Variants in FZD6 observed in about 807,000 individuals in gnomAD.
FZD6 encodes the protein frizzled-6.
A neutral mutation model predicts 61.4 loss-of-function variants in FZD6; 49 were observed. The observed-to-expected ratio is 0.80, with a 90% CI of 0.63 to 1.01. FZD6 has a LOEUF of 1.01. FZD6 is among the 50% of genes least tolerant of loss of function. FZD6 has a pLI of 0.00. For synonymous variants in FZD6, 265 were observed against 292.2 expected, an observed-to-expected ratio of 0.91 and a Z score of 0.95; for missense variants, 724 against 848.2, an observed-to-expected ratio of 0.85 and a Z score of 1.82.
chr8:103,330,916 G>A (rs558752642), intron 6 of FZD6, among the ~76,000 whole-genome samples: 6 of 152,240 alleles, frequency 3.9e-5, no homozygotes, highest in Non-Finnish European at 8.8e-5. Flanking sequence ...GGTGGCTCAC[G>A]CCTGTAATCC....
intron 4 of FZD6, among the ~76,000 whole-genome samples, chr8:103,326,462 A>G (rs1245310948): frequency 6.6e-6 from 1 of 152,010 alleles, no homozygotes; most frequent in Non-Finnish European, 1.5e-5. Flanking sequence ...TCTTTTTGGC[A>G]AGGTTGGGGA....
chr8:103,310,222 T>G (rs1444305177), intron 2 of FZD6, among the ~76,000 whole-genome samples: 1 of 152,190 alleles, frequency 6.6e-6, no homozygotes, highest in Non-Finnish European at 1.5e-5. Flanking sequence ...CAAACTGTGC[T>G]TGGTTTTCAA....
At chr8:103,317,516 A>G (rs1814660753) in intron 2 of FZD6, among the ~76,000 whole-genome samples, 1 of 152,162 alleles carries the variant, frequency 6.6e-6, no homozygotes, top group South Asian at 2.1e-4. Flanking sequence ...CTGGGTGGTA[A>G]TAGTGAGAAA....
At position 103,331,361 on chromosome 8, in the gene FZD6, T is replaced by C. The variant is rs748009628; in HGVS notation, c.1973T>C (p.Ile658Thr). 1.9e-6 allele frequency: 3 copies of C among 1,612,428 alleles called. No homozygotes were observed. Among genetic ancestry groups the C allele is most frequent in the Non-Finnish European group, 2.5e-6 (3 of 1,178,562 alleles). The change falls in exon 7 of 7, where the codon ATT becomes ACT. Residue 658 changes from isoleucine to threonine, a missense_variant. Coordinates refer to ENST00000358755, the MANE Select transcript of FZD6 (RefSeq NM_003506.4). ...SEGRISPKSDITDTGLAQSNN... is the reference protein window; with the variant it reads ...SEGRISPKSDTTDTGLAQSNN... Reference sequence around the variant, plus strand: ...TCTAGGATTAGTCCAAAGAGTGATATTACTGACACTGGCCTGGCACAGAGC... The same window carrying C: ...TCTAGGATTAGTCCAAAGAGTGATACTACTGACACTGGCCTGGCACAGAGC...
At chr8:103,310,374 A>G (rs1160616080) in intron 2 of FZD6, among the ~76,000 whole-genome samples, 1 of 152,122 alleles carries the variant, frequency 6.6e-6, no homozygotes, top group African/African-American at 2.4e-5. Flanking sequence ...GGCTCAAGTG[A>G]ACCTCAGGCC....
At position 103,300,215 on chromosome 8, in the gene FZD6, C is replaced by G; in HGVS notation, c.108C>G (p.Ala36=). The change falls in exon 2 of 7, where the codon GCC becomes GCG. Residue 36 remains alanine, a synonymous_variant. Coordinates refer to ENST00000358755, the MANE Select transcript of FZD6 (RefSeq NM_003506.4). ...PITVPRCMKM[A]YNMTFFPNLM... ...CTGTTCCCAGATGTATGAAAATGGCCTACAACATGACGTTTTTCCCTAATC... is the reference window on the plus strand; with the variant it reads ...CTGTTCCCAGATGTATGAAAATGGCGTACAACATGACGTTTTTCCCTAATC... 6.2e-7 allele frequency: 1 copy of G among 1,610,466 alleles called. No homozygotes were observed. The highest frequency in any genetic ancestry group is 8.5e-7 in the Non-Finnish European group (1 of 1,176,664).
intron 2 of FZD6, among the ~76,000 whole-genome samples, chr8:103,303,766 T>C (rs904294751): frequency 1.2e-4 from 18 of 152,218 alleles, no homozygotes; most frequent in African/African-American, 3.9e-4. Flanking sequence ...TAATGAAATA[T>C]ATCAGTTGAC....
At chr8:103,298,699 G>T (rs1208702449), upstream of FZD6, 1 of 151,390 alleles carries the variant, frequency 6.6e-6, no homozygotes, top group Admixed American at 6.6e-5. Context: ...CCCGTTCACC[G>T]GGGCCGGGTC....
At position 103,325,492 on chromosome 8, in the gene FZD6, T is replaced by A; in HGVS notation, c.1386T>A (p.Pro462=). The change falls in exon 4 of 7, where the codon CCT becomes CCA. Residue 462 remains proline (P), a synonymous_variant. Transcript: ENST00000358755. The part of the protein sequence containing the change: ...DHCRQYHIPC[P]YQAKAKARPE... ...GTCGTCAGTACCATATCCCATGTCCTTATCAGGTAAAAGCTATCACTTGGA... is the reference window on the plus strand; with the variant it reads ...GTCGTCAGTACCATATCCCATGTCCATATCAGGTAAAAGCTATCACTTGGA... 2 of 1,607,002 alleles carry A rather than the reference T, an allele frequency of 1.2e-6. No individual in the cohort carries two copies. The highest frequency in any genetic ancestry group is 1.7e-6 in the Non-Finnish European group (2 of 1,173,590).
intron 5 of FZD6, among the ~76,000 whole-genome samples, 170 bp downstream of exon 5, chr8:103,328,586 G>T (rs1055931347): frequency 5.9e-5 from 9 of 151,422 alleles, no homozygotes; most frequent in African/African-American, 2.2e-4. Flanking sequence ...CTTTATTTTT[G>T]CATTTGTTAC....
At chr8:103,307,568 A>G (rs868753462) in intron 2 of FZD6, among the ~76,000 whole-genome samples, 1 of 152,164 alleles carries the variant, frequency 6.6e-6, no homozygotes, top group Non-Finnish European at 1.5e-5. Flanking sequence ...TTCTTAGATT[A>G]CTTTTTTGCC....
intron 5 of FZD6, 75 bp downstream of exon 5, chr8:103,328,491 T>C (rs2270525): frequency 0.14 from 156,671 of 1,127,974 alleles, 11,894 homozygotes; most frequent in East Asian, 0.24. Context: ...TTCAAATCAA[T>C]GTACTAGAGT....
chr8:103,329,150 C>T (rs1018952953), intron 5 of FZD6, among the ~76,000 whole-genome samples: 2 of 150,198 alleles, frequency 1.3e-5, no homozygotes, highest in Non-Finnish European at 3.0e-5. Flanking sequence ...TCTGAAGAAT[C>T]GTATTCAACT....
intron 2 of FZD6, among the ~76,000 whole-genome samples, chr8:103,306,594 C>G (rs1814337196): frequency 6.9e-6 from 1 of 144,192 alleles, no homozygotes. Flanking sequence ...GCTCCCTCTC[C>G]TGGGTTCACG....
At position 103,325,118 on chromosome 8, in the gene FZD6, C is replaced by T; in HGVS notation, c.1012C>T (p.Leu338=). ...TGTTGCATGGGGAACACCAGGTTTC[C>T]TGACTGTTATGCTTCTTGCTATGAA... ...HAVAWGTPGF[L]TVMLLAMNKV... Residue 338 remains leucine (L), a synonymous_variant, in exon 4 of 7, where the codon CTG becomes TTG. Transcript: ENST00000358755. 1.2e-6 allele frequency: 2 copies of T among 1,614,148 alleles called. No individual in the cohort carries two copies. Among genetic ancestry groups the T allele is most frequent in the Non-Finnish European group, 1.7e-6 (2 of 1,180,016 alleles).
At chr8:103,301,879 TA>T (rs1814183187) in intron 2 of FZD6, among the ~76,000 whole-genome samples, 1 of 152,234 alleles carries the variant, frequency 6.6e-6, no homozygotes, top group Non-Finnish European at 1.5e-5. Flanking sequence ...AATTACTTTT[TA>T]ATTTACCTAG....
chr8:103,301,108 A>G (rs1472679453), intron 2 of FZD6, among the ~76,000 whole-genome samples: 3 of 152,306 alleles, frequency 2.0e-5, no homozygotes, highest in Admixed American at 6.5e-5. Context: ...TAAGAGAGGA[A>G]ATCCCTACAA....
chr8:103,318,662 AC>A lies in FZD6; in HGVS notation c.252del (p.Cys85AlafsTer2), dbSNP rs1356527592. 1 of 1,607,822 alleles carries A rather than the reference AC, an allele frequency of 6.2e-7. No homozygotes were observed. The highest frequency in any genetic ancestry group is 1.3e-5 in the African/African-American group (1 of 74,842). ...TTTCCTCTGCAAAGCATTTGTACCA[AC>A]CTGCATAGAACAAATTCATGTGGTT... is the stretch of plus-strand genomic sequence containing the variant. Reference protein sequence around the residue: ...ETFLCKAFVPTCIEQIHVVPP... With the variant: ...ETFLCKAFVPXCIEQIHVVPP... On this transcript the variant is annotated frameshift_variant, in exon 3 of 7. Transcript: ENST00000358755. LOFTEE classifies it high-confidence loss of function.
intron 2 of FZD6, among the ~76,000 whole-genome samples, chr8:103,305,289 C>T (rs981137738): frequency 6.6e-6 from 1 of 152,132 alleles, no homozygotes; most frequent in Non-Finnish European, 1.5e-5. Flanking sequence ...AGTGGTCATT[C>T]CCTTTTTAAA....
Sources: gnomAD v4.1 joint callset for allele counts (sites outside exome capture counted in the v4.1 genomes callset) on GRCh38, gnomAD v4.1.1 for gene constraint, MANE v1.5 for transcripts, NCBI Gene and HGNC (gene_info 2026-07-23, HGNC 2026-07-21) for gene names.